Variants in BRCA2 observed in about 807,000 individuals in gnomAD.
BRCA2 encodes breast cancer type 2 susceptibility protein.
A neutral mutation model predicts 276.7 loss-of-function variants in BRCA2; 203 were observed. The ratio of observed to expected loss-of-function variants is 0.73; its 90% confidence interval spans 0.65 to 0.82. The LOEUF (loss-of-function observed/expected upper bound fraction) is 0.82. Ranked by LOEUF, BRCA2 falls within the 40% of genes least tolerant of loss-of-function variation. The probability of loss-of-function intolerance (pLI) is 0.00; values close to 1 mark genes in which losing one functional copy is unlikely to be tolerated. For synonymous variants in BRCA2, 1,289 were observed against 1,338.4 expected (o/e 0.96, Z 0.81); for missense variants, 3,920 against 3,915.0 (o/e 1.00, Z -0.03).
In BRCA2 at chr13:32,337,492, A is replaced by G. The variant is rs80358559; in HGVS notation, c.3137A>G (p.Glu1046Gly). ...TATCCTACTAGTTTAGCTTGTGTTG[A>G]AATTGTAAATACCTTGGCATTAGAT... The part of the protein sequence containing the change: ...EQYPTSLACV[E>G]IVNTLALDNQ... The change falls in exon 11 of 27, where the codon GAA becomes GGA. Residue 1046 changes from glutamate to glycine, a missense_variant. By Grantham distance (98) the Glu-to-Gly change is moderately conservative. Coordinates refer to ENST00000380152, the MANE Select transcript of BRCA2 (RefSeq NM_000059.4). The G allele has an allele frequency of 1.3e-5, 21 of 1,609,298 alleles. No individual in the cohort carries two copies. Among genetic ancestry groups the G allele is most frequent in the Non-Finnish European group, 1.8e-5 (21 of 1,177,872 alleles).
chr13:32,323,785 ACT>A (rs1199548010), intron 3 of BRCA2, among the ~76,000 whole-genome samples: 1 of 152,204 alleles, frequency 6.6e-6, no homozygotes, highest in Non-Finnish European at 1.5e-5. Context: ...ATAATAAGTG[ACT>A]CAGGTGCCAA....
At chr13:32,351,429 G>T (rs1013517563) in intron 13 of BRCA2, among the ~76,000 whole-genome samples, 3 of 152,086 alleles carry the variant, frequency 2.0e-5, no homozygotes, top group Non-Finnish European at 4.4e-5. Context: ...GAACAAACTC[G>T]GGACACACTA....
At chr13:32,373,517 T>TA (rs943379155) in intron 20 of BRCA2, among the ~76,000 whole-genome samples, 15 of 150,198 alleles carry the variant, frequency 1.0e-4, no homozygotes, top group East Asian at 4.0e-4. Flanking sequence ...AAAAAATAAA[T>TA]AAAAAAAAAT....
chr13:32,366,693 G>A (rs2072784557), intron 18 of BRCA2, among the ~76,000 whole-genome samples: 1 of 151,948 alleles, frequency 6.6e-6, no homozygotes. Flanking sequence ...ATGATGGCAT[G>A]CTCCTGTAGT....
At chr13:32,360,424 A>C (rs1179526533) in intron 16 of BRCA2, among the ~76,000 whole-genome samples, 1 of 152,116 alleles carries the variant, frequency 6.6e-6, no homozygotes. Flanking sequence ...CAGTGGTGCA[A>C]TCTCGGCTCA....
intron 16 of BRCA2, among the ~76,000 whole-genome samples, chr13:32,359,222 GAAAAAAAAAA>G (rs67041705): frequency 4.7e-5 from 5 of 107,430 alleles, no homozygotes; most frequent in South Asian, 3.1e-4. Context: ...TCCATCTCAA[GAAAAAAAAAA>G]AAAAAAAAAA....
intron 24 of BRCA2, among the ~76,000 whole-genome samples, chr13:32,382,570 C>A (rs546959561): frequency 6.6e-6 from 1 of 152,142 alleles, no homozygotes; most frequent in Admixed American, 6.5e-5. Context: ...GGCTTTAACA[C>A]CGTGGAGGAG....
Position 32,355,147 on chromosome 13 carries a change from A to G in BRCA2, c.7294A>G (p.Arg2432Gly), listed in dbSNP as rs1555286073. 2 of 1,613,940 alleles carry G rather than the reference A, an allele frequency of 1.2e-6. No homozygotes were observed. The highest frequency in any genetic ancestry group is 8.5e-7 in the Non-Finnish European group (1 of 1,179,838). ...TAGGAATATTAACTTGGAGGAAAAC[A>G]GACAAAAGCAAAACATTGATGGACA... is the stretch of plus-strand genomic sequence containing the variant. Reference protein sequence around the residue: ...CVRNINLEENRQKQNIDGHGS... With the variant: ...CVRNINLEENGQKQNIDGHGS... The change falls in exon 14 of 27, where the codon AGA becomes GGA. Residue 2432 changes from arginine (R) to glycine (G), a missense_variant. By Grantham distance (125) the Arg-to-Gly change is moderately radical. Coordinates refer to ENST00000380152, the MANE Select transcript of BRCA2 (RefSeq NM_000059.4).
intron 7 of BRCA2, among the ~76,000 whole-genome samples, chr13:32,327,137 A>G (rs2072355774): frequency 6.6e-6 from 1 of 152,234 alleles, no homozygotes; most frequent in South Asian, 2.1e-4. Context: ...AGTTTCTCTT[A>G]CTAGGATCTA....
chr13:32,363,430 G>T lies in BRCA2; in HGVS notation c.8228G>T (p.Gly2743Val), dbSNP rs2137582037. The T allele has an allele frequency of 6.2e-7, 1 of 1,614,180 alleles. No homozygotes were observed. Among genetic ancestry groups the T allele is most frequent in the South Asian group, 1.1e-5 (1 of 91,078 alleles). The change falls in exon 18 of 27, where the codon GGC becomes GTC. Residue 2743 changes from glycine (G) to valine (V), a missense_variant. This residue lies in a region of BRCA2 where 3,263 missense variants were observed against 3,156.9 expected (regional missense o/e 1.03). Transcript: ENST00000380152. ...CCCCTCTTAGCTGTCTTAAAGAATG[G>T]CAGACTGACAGTTGGTCAGAAGATT... is the stretch of plus-strand genomic sequence containing the variant. ...DPPLLAVLKN[G>V]RLTVGQKIIL...
chr13:32,376,534 AAG>A, intron 20 of BRCA2, 134 bp from the exon 21 acceptor site: 2 of 1,028,356 alleles, frequency 1.9e-6, no homozygotes, highest in East Asian at 2.6e-5. Flanking sequence ...AAAAAAAAAA[AAG>A]AAAAAACTTT....
rs1209753828 is a variant in BRCA2, at chr13:32,397,377, G to T, written c.9648+333G>T. On this transcript the variant is annotated intron_variant, in intron 26 of 26. Transcript: ENST00000380152. ...CTATTTAAGTGGTTAAATCACAGTA[G>T]ATGCAAATCAAGCTAAAGTCTTTAA... 2.0e-5 allele frequency among the ~76,000 whole-genome samples: 3 copies of T among 152,172 alleles called. No homozygotes were observed. The East Asian group carries it at 5.8e-4, about 29-fold the overall frequency.
chr13:32,372,713 CT>C (rs2072842897), intron 20 of BRCA2, among the ~76,000 whole-genome samples: 1 of 152,150 alleles, frequency 6.6e-6, no homozygotes, highest in Admixed American at 6.5e-5. Flanking sequence ...ATCTCGTGTC[CT>C]TTTCACATTT....
At position 32,398,465 on chromosome 13, in the gene BRCA2, A is replaced by G; in HGVS notation, c.9952A>G (p.Asn3318Asp). The change falls in exon 27 of 27, where the codon AAT becomes GAT. Residue 3318 changes from asparagine (N) to aspartate (D), a missense_variant. Physicochemically the swap from Asn to Asp is conservative, Grantham distance 23 (BLOSUM62 1). Around this residue, in one of 2 missense-constraint regions of BRCA2, gnomAD observed 657 missense variants for 758.2 expected, o/e 0.87. Transcript: ENST00000380152. ...YETPIKKKEL[N>D]SPQMTPFKKF... ...AACACCCATAAAGAAAAAAGAACTG[A>G]ATTCTCCTCAGATGACTCCATTTAA... 1 of 1,614,192 alleles carries G rather than the reference A, an allele frequency of 6.2e-7. No homozygotes were observed. The highest frequency in any genetic ancestry group is 8.5e-7 in the Non-Finnish European group (1 of 1,180,026).
rs150125934 is a variant in BRCA2 at position 32,344,280 on chromosome 13, G to C, written c.6842-278G>C. Among the ~76,000 whole-genome samples, 6 of 151,878 alleles carry C rather than the reference G, an allele frequency of 4.0e-5. No homozygotes were observed. The East Asian group carries it at 1.2e-3, about 29-fold the overall frequency. On this transcript the variant is annotated intron_variant, in intron 11 of 26. Coordinates refer to ENST00000380152, the MANE Select transcript of BRCA2 (RefSeq NM_000059.4). ...CAGTTTTTCAAAAAGTAGCTTATCT[G>C]TGGTATCTGGTAGCATCTGTTTATC...
intron 7 of BRCA2, among the ~76,000 whole-genome samples, chr13:32,327,230 G>A (rs375289877): frequency 1.5e-4 from 23 of 152,120 alleles, no homozygotes; most frequent in Non-Finnish European, 2.8e-4. Context: ...GGTGGATCAC[G>A]TGAGGCCAGG....
rs876661225 is a variant in BRCA2, at chr13:32,339,016, G to C, written c.4661G>C (p.Ser1554Thr). Residue 1554 changes from serine to threonine, a missense_variant, in exon 11 of 27, where the codon AGT becomes ACT. Around this residue, in one of 2 missense-constraint regions of BRCA2, gnomAD observed 3,263 missense variants for 3,156.9 expected, o/e 1.03. Transcript: ENST00000380152. Reference protein sequence around the residue: ...NLFDEKEQGTSEITSFSHQWA... With the variant: ...NLFDEKEQGTTEITSFSHQWA... ...TTTGATGAAAAAGAGCAAGGTACTA[G>C]TGAAATCACCAGTTTTAGCCATCAA... is the stretch of plus-strand genomic sequence containing the variant. The C allele has an allele frequency of 6.2e-7, 1 of 1,613,958 alleles. No individual in the cohort carries two copies. Among genetic ancestry groups the C allele is most frequent in the Non-Finnish European group, 8.5e-7 (1 of 1,179,940 alleles).
intron 24 of BRCA2, among the ~76,000 whole-genome samples, chr13:32,383,088 G>A (rs182685979): frequency 1.5e-3 from 230 of 152,332 alleles, no homozygotes; most frequent in African/African-American, 5.4e-3. Context: ...GGGGCCAGGC[G>A]CGGTGGCTAA....
At chr13:32,358,660 C>T (rs748874342) in intron 16 of BRCA2, among the ~76,000 whole-genome samples, 1 of 151,168 alleles carries the variant, frequency 6.6e-6, no homozygotes. Flanking sequence ...CAGCCAGGCG[C>T]GGTGGCTCAC....
Sources: allele counts gnomAD v4.1 joint callset (sites outside exome capture counted in the v4.1 genomes callset), GRCh38; gene constraint gnomAD v4.1.1; regional missense constraint gnomAD v4.1.1; transcripts MANE v1.5; gene names NCBI Gene and HGNC (gene_info 2026-07-23, HGNC 2026-07-21).